TYR: variants seen among roughly 807,000 people sequenced by gnomAD.
TYR encodes the protein tyrosinase.
In TYR, 58 loss-of-function variants were observed where a neutral mutation model predicts 51.5. That is an observed-to-expected ratio of 1.13 (90% CI 0.91 to 1.40). The LOEUF (loss-of-function observed/expected upper bound fraction) is 1.40. Ranked by LOEUF, TYR falls within the 40% of genes most tolerant of loss-of-function variation. The pLI is 0.00. For synonymous variants in TYR, 263 were observed against 235.2 expected (o/e 1.12, Z -1.08); for missense variants, 732 against 647.4 (o/e 1.13, Z -1.42).
At chr11:89,207,764 A>T (rs1025415194) in intron 2 of TYR, among the ~76,000 whole-genome samples, 9 of 152,316 alleles carry the variant, frequency 5.9e-5, no homozygotes, top group African/African-American at 1.9e-4. Flanking sequence ...ATTGAAACAA[A>T]TGAAATTTAT....
At chr11:89,294,365 G>A (rs1024398919) in intron 4 of TYR, 2 of 153,098 alleles carry the variant, frequency 1.3e-5, no homozygotes, top group African/African-American at 4.8e-5. Context: ...CAGACCCGAA[G>A]GGCTATTATT....
chr11:89,294,644 T>G (rs770613970), intron 4 of TYR, among the ~76,000 whole-genome samples: 2 of 152,228 alleles, frequency 1.3e-5, no homozygotes, highest in Non-Finnish European at 2.9e-5. Context: ...GATTTAAGAC[T>G]GTGACCTCTG....
At chr11:89,268,826 A>G (rs1944555594) in intron 3 of TYR, among the ~76,000 whole-genome samples, 1 of 151,792 alleles carries the variant, frequency 6.6e-6, no homozygotes, top group Non-Finnish European at 1.5e-5. Context: ...TCTACATTGC[A>G]TCCCACACCA....
rs1193394032 is a variant in TYR, at chr11:89,178,908, T to C, written c.819+136T>C. The C allele has an allele frequency of 5.0e-6, 4 of 806,470 alleles. No homozygotes were observed. The African/African-American group carries it at 5.1e-5, about 10-fold the overall frequency. The allele number at this position is 806,470 out of a possible 1,614,324, so 50.0% of individuals were successfully genotyped here. A position where few individuals can be genotyped will look rare whatever the true frequency, so the allele number is the denominator to read the frequency against. Reference sequence around the variant, plus strand: ...ACAGAAATGGTGCCCTGTTAAGAACTCTCAATGTATCTTGTATTTTTCCTT... The same window carrying C: ...ACAGAAATGGTGCCCTGTTAAGAACCCTCAATGTATCTTGTATTTTTCCTT... On this transcript the variant is annotated intron_variant, in intron 1 of 4. Transcript: ENST00000263321.
At chr11:89,217,813 C>G (rs1343874328) in intron 2 of TYR, among the ~76,000 whole-genome samples, 1 of 152,124 alleles carries the variant, frequency 6.6e-6, no homozygotes, top group South Asian at 2.1e-4. Flanking sequence ...CTGCCCTACT[C>G]TTTCTGAAAT....
rs142268579 is a variant in TYR at position 89,246,078 on chromosome 11, G to T, written c.1184+18108G>T. Among the ~76,000 whole-genome samples the T allele has an allele frequency of 4.3e-3, 661 of 152,226 alleles. 4 individuals carry two copies. Among genetic ancestry groups the T allele is most frequent in the Middle Eastern group, 0.014 (4 of 294 alleles). ...TCTTAAATACTCCGATGTGGCTGGG[G>T]CTCATAGGAGTCAACCTGACTGGAC... is the stretch of plus-strand genomic sequence containing the variant. On this transcript the variant is annotated intron_variant, in intron 3 of 4. Transcript: ENST00000263321.
chr11:89,275,215 C>A (rs1392625224), intron 3 of TYR, among the ~76,000 whole-genome samples: 1 of 151,928 alleles, frequency 6.6e-6, no homozygotes, highest in Non-Finnish European at 1.5e-5. Flanking sequence ...TAATCAAATT[C>A]TGTCACGTAA....
intron 1 of TYR, among the ~76,000 whole-genome samples, chr11:89,183,675 G>A (rs1317037577): frequency 3.9e-5 from 6 of 152,168 alleles, no homozygotes; most frequent in Admixed American, 3.3e-4. Context: ...GATTCAATAA[G>A]ATGTGTTTAT....
At position 89,233,766 on chromosome 11, in the gene TYR, G is replaced by A. The variant is rs566663559; in HGVS notation, c.1184+5796G>A. On this transcript the variant is annotated intron_variant, in intron 3 of 4. Coordinates refer to ENST00000263321, the MANE Select transcript of TYR (RefSeq NM_000372.5). ...TCCAGGGAGTTGGTCTCAGCAATGG[G>A]CTTAAAGTATTCAGTAAACCATGCT... 8.4e-5 allele frequency among the ~76,000 whole-genome samples: 12 copies of A among 142,748 alleles called. 2 individuals carry two copies. In the South Asian group the frequency reaches 2.6e-3, roughly 30 times the overall value. The allele number at this position is 142,748 out of a possible 152,430, so 93.6% of individuals were successfully genotyped here. A position where few individuals can be genotyped will look rare whatever the true frequency, so the allele number is the denominator to read the frequency against.
intron 1 of TYR, among the ~76,000 whole-genome samples, chr11:89,186,205 G>C (rs894343577): frequency 6.6e-6 from 1 of 152,130 alleles, no homozygotes; most frequent in African/African-American, 2.4e-5. Context: ...TGCCTGACTC[G>C]AGATATTTTT....
Position 89,234,541 on chromosome 11 carries a change from T to G in TYR, c.1184+6571T>G, listed in dbSNP as rs1380212256. Among the ~76,000 whole-genome samples the G allele has an allele frequency of 7.0e-5, 10 of 143,062 alleles. 2 individuals are homozygous for G. The highest frequency in any genetic ancestry group is 1.2e-4 in the Non-Finnish European group (8 of 66,630). 93.9% of individuals were successfully genotyped at this position (143,062 alleles called of 152,430 possible). A position where few individuals can be genotyped will look rare whatever the true frequency, so the allele number is the denominator to read the frequency against. On this transcript the variant is annotated intron_variant, in intron 3 of 4. Transcript: ENST00000263321. The stretch of plus-strand genomic sequence containing the variant: ...CCTCACTAAGCTCAATCATCCCTAG[T>G]TTTTTATTTAAAGTGAGAGACATGC...
intron 3 of TYR, among the ~76,000 whole-genome samples, chr11:89,241,403 C>T (rs966471022): frequency 3.9e-5 from 6 of 152,084 alleles, no homozygotes; most frequent in Admixed American, 2.6e-4. Flanking sequence ...CTGCATTGAT[C>T]ATATCTAGTT....
At chr11:89,294,525 C>A (rs1298546395) in intron 4 of TYR, among the ~76,000 whole-genome samples, 1 of 152,208 alleles carries the variant, frequency 6.6e-6, no homozygotes, top group African/African-American at 2.4e-5. Flanking sequence ...CAGGGTACCG[C>A]GGCACAGGGC....
chr11:89,208,102 A>C (rs1485245346), intron 2 of TYR, among the ~76,000 whole-genome samples: 3 of 151,930 alleles, frequency 2.0e-5, no homozygotes, highest in African/African-American at 7.3e-5. Flanking sequence ...TCCCGTCTCT[A>C]CTAAAAATAC....
At chr11:89,180,224 T>G (rs1016224747) in intron 1 of TYR, among the ~76,000 whole-genome samples, 1 of 152,210 alleles carries the variant, frequency 6.6e-6, no homozygotes, top group African/African-American at 2.4e-5. Context: ...GTGCAAACTC[T>G]CATCTAGCTC....
rs780132380 is a variant in TYR, at chr11:89,188,450, G to A, written c.820-2752G>A. ...AGAAGGTGCTAAGTGCACAGATAAA[G>A]CAGAAATTAGTGGTGTACAGTAAAT... is the stretch of plus-strand genomic sequence containing the variant. On this transcript the variant is annotated intron_variant, in intron 1 of 4. Coordinates refer to ENST00000263321, the MANE Select transcript of TYR (RefSeq NM_000372.5). Among the ~76,000 whole-genome samples, 4 of 152,120 alleles carry A rather than the reference G, an allele frequency of 2.6e-5. No homozygotes were observed. The South Asian group carries it at 6.2e-4, about 24-fold the overall frequency.
intron 2 of TYR, chr11:89,200,168 C>T (rs940636439): frequency 2.2e-4 from 34 of 152,304 alleles, no homozygotes; most frequent in African/African-American, 7.7e-4. Context: ...CTCTGCCTCC[C>T]GGGTTCAAAG....
At chr11:89,200,792 A>T (rs971960661) in intron 2 of TYR, among the ~76,000 whole-genome samples, 10 of 152,172 alleles carry the variant, frequency 6.6e-5, no homozygotes, top group African/African-American at 2.4e-4. Flanking sequence ...ACAACTATGT[A>T]ATCAGAATAG....
At chr11:89,181,912 G>T (rs1053275112) in intron 1 of TYR, among the ~76,000 whole-genome samples, 33 of 152,120 alleles carry the variant, frequency 2.2e-4, no homozygotes, top group African/African-American at 7.7e-4. Flanking sequence ...TTTGACATTT[G>T]ATCACGTTGA....
Sources: allele counts gnomAD v4.1 joint callset (sites outside exome capture counted in the v4.1 genomes callset), GRCh38; gene constraint gnomAD v4.1.1; transcripts MANE v1.5; gene names NCBI Gene and HGNC (gene_info 2026-07-23, HGNC 2026-07-21).